Variants in PHLPP1 observed in about 807,000 individuals in gnomAD.
The protein encoded by PHLPP1 is PH domain leucine-rich repeat-containing protein phosphatase 1.
A neutral mutation model predicts 117.2 loss-of-function variants in PHLPP1; 42 were observed. The ratio of observed to expected loss-of-function variants is 0.36; its 90% CI spans 0.28 to 0.46. The LOEUF is 0.46. Among genes scored for constraint, PHLPP1 ranks in the 20% least tolerant of loss-of-function variants. The pLI, the probability that PHLPP1 is intolerant of heterozygous loss-of-function variation, is 1.00. For missense variants in PHLPP1, 2,084 were observed against 2,241.9 expected (o/e 0.93, Z 1.42); for synonymous variants, 1,042 against 970.7 (o/e 1.07, Z -1.37).
intron 1 of PHLPP1, among the ~76,000 whole-genome samples, chr18:62,773,536 G>A (rs1912859695): frequency 6.6e-6 from 1 of 152,112 alleles, no homozygotes; most frequent in East Asian, 1.9e-4. Context: ...ATACTTCTTT[G>A]CCTCCAAAAC....
intron 7 of PHLPP1, among the ~76,000 whole-genome samples, chr18:62,904,124 A>G (rs1916790511): frequency 6.6e-6 from 1 of 152,250 alleles, no homozygotes; most frequent in African/African-American, 2.4e-5. Context: ...GCCAAGCCTC[A>G]AATAGGTATA....
chr18:62,729,425 G>A (rs958710355), intron 1 of PHLPP1, among the ~76,000 whole-genome samples: 1 of 152,148 alleles, frequency 6.6e-6, no homozygotes, highest in Non-Finnish European at 1.5e-5. Flanking sequence ...AGCTGGGCGT[G>A]GTGGCTCATG....
At chr18:62,729,975 G>T (rs1599016342) in intron 1 of PHLPP1, among the ~76,000 whole-genome samples, 1 of 152,204 alleles carries the variant, frequency 6.6e-6, no homozygotes, top group Non-Finnish European at 1.5e-5. Flanking sequence ...ACCGTATGAG[G>T]TAGGTTATCA....
At chr18:62,900,517 A>T (rs1392405860) in intron 6 of PHLPP1, among the ~76,000 whole-genome samples, 2 of 139,130 alleles carry the variant, frequency 1.4e-5, no homozygotes, top group Admixed American at 1.5e-4. Context: ...CTTGTTACCC[A>T]AGCTGTGGTG....
At chr18:62,962,595 C>T (rs1251095555) in intron 13 of PHLPP1, among the ~76,000 whole-genome samples, 1 of 152,212 alleles carries the variant, frequency 6.6e-6, no homozygotes, top group Non-Finnish European at 1.5e-5. Flanking sequence ...AGGCGTGAGC[C>T]ACCGCGCCTG....
At chr18:62,824,234 G>A in intron 1 of PHLPP1, 1 of 455,258 alleles carries the variant, frequency 2.2e-6, no homozygotes, top group South Asian at 1.6e-5. Context: ...CCAATCCTAG[G>A]TATTTACCCG....
intron 4 of PHLPP1, among the ~76,000 whole-genome samples, chr18:62,870,454 A>G (rs1915876082): frequency 1.3e-5 from 2 of 152,202 alleles, no homozygotes; most frequent in South Asian, 4.1e-4. Context: ...GCTTCGAAAT[A>G]TGCCATATAT....
chr18:62,895,096 G>C lies in PHLPP1; in HGVS notation c.2152G>C (p.Glu718Gln). ...AGTCTGCAGTATTCCAACCCTGGCA[G>C]AGCTGAACGTGTCCTGCAATGCCCT... is the stretch of plus-strand genomic sequence containing the variant. ...LAVCSIPTLAELNVSCNALRS... is the reference protein window; with the variant it reads ...LAVCSIPTLAQLNVSCNALRS... Residue 718 changes from glutamate to glutamine, a missense_variant, in exon 5 of 17, where the codon GAG (glutamate) becomes CAG (glutamine). Transcript: ENST00000262719. The C allele has an allele frequency of 6.2e-7, 1 of 1,613,976 alleles. No homozygotes were observed. Among genetic ancestry groups the C allele is most frequent in the East Asian group, 2.2e-5 (1 of 44,882 alleles).
intron 4 of PHLPP1, among the ~76,000 whole-genome samples, chr18:62,874,649 GCACGCGCGCACACACACACA>G (rs959846016): frequency 4.1e-5 from 4 of 96,396 alleles, no homozygotes; most frequent in Non-Finnish European, 9.8e-5. Context: ...GGGCGCGCAC[GCACGCGCGCACACACACACA>G]CACACACACA....
intron 1 of PHLPP1, among the ~76,000 whole-genome samples, chr18:62,740,863 A>G (rs1911505201): frequency 6.6e-6 from 1 of 152,130 alleles, no homozygotes; most frequent in African/African-American, 2.4e-5. Context: ...AATCCCAGCT[A>G]CTGTGGAAGC....
intron 3 of PHLPP1, among the ~76,000 whole-genome samples, chr18:62,850,899 G>A (rs1028442867): frequency 3.3e-5 from 5 of 152,194 alleles, no homozygotes; most frequent in Non-Finnish European, 5.9e-5. Flanking sequence ...ATTTTGTCAA[G>A]GGAGGGGACT....
intron 9 of PHLPP1, 72 bp from the exon 10 acceptor site, chr18:62,919,887 A>AT (rs2144425323): frequency 9.1e-7 from 1 of 1,098,042 alleles, no homozygotes; most frequent in East Asian, 2.6e-5. Context: ...TGAATTTGTG[A>AT]TTTTTGGAGA....
chr18:62,816,437 C>T (rs1333958493), intron 1 of PHLPP1, among the ~76,000 whole-genome samples: 4 of 152,028 alleles, frequency 2.6e-5, no homozygotes, highest in Non-Finnish European at 4.4e-5. Flanking sequence ...CATGGTGGCA[C>T]GTGCCTGTAA....
chr18:62,789,947 C>A (rs753881451), intron 1 of PHLPP1, among the ~76,000 whole-genome samples: 2 of 151,990 alleles, frequency 1.3e-5, no homozygotes. Flanking sequence ...AGTTGAAGTC[C>A]TGTGTGTCTA....
At chr18:62,889,078 G>T (rs1210055435) in intron 4 of PHLPP1, among the ~76,000 whole-genome samples, 1 of 152,166 alleles carries the variant, frequency 6.6e-6, no homozygotes, top group Non-Finnish European at 1.5e-5. Context: ...CTCTGAGAAG[G>T]CTAAGGGTTA....
At chr18:62,756,349 C>G (rs1912018431) in intron 1 of PHLPP1, among the ~76,000 whole-genome samples, 1 of 152,164 alleles carries the variant, frequency 6.6e-6, no homozygotes, top group African/African-American at 2.4e-5. Context: ...GAAGGATAGT[C>G]CTGCCATGTG....
rs753099332 is a variant in PHLPP1 at position 62,920,094 on chromosome 18, C to T, written c.2940C>T (p.Asn980=). The T allele has an allele frequency of 5.6e-6, 9 of 1,613,662 alleles. No homozygotes were observed. In the East Asian group the frequency reaches 2.0e-4, roughly 36 times the overall value. Residue 980 remains asparagine, a synonymous_variant, in exon 10 of 17, where the codon AAC becomes AAT. Coordinates refer to ENST00000262719, the MANE Select transcript of PHLPP1 (RefSeq NM_194449.4). The stretch of plus-strand genomic sequence containing the variant: ...ACCAGCTCCTTGAGCTCCCACCTAA[C>T]CTTCTGATGAAGGCTGACAGGTAAA... ...QHNQLLELPP[N]LLMKADSLRF...
At chr18:62,955,238 A>G (rs1910578772) in intron 12 of PHLPP1, among the ~76,000 whole-genome samples, 1 of 152,220 alleles carries the variant, frequency 6.6e-6, no homozygotes, top group African/African-American at 2.4e-5. Context: ...GCACTCTGGC[A>G]TGGGTGGAAC....
At chr18:62,968,811 G>C (rs1910974746) in intron 14 of PHLPP1, among the ~76,000 whole-genome samples, 1 of 151,826 alleles carries the variant, frequency 6.6e-6, no homozygotes, top group Non-Finnish European at 1.5e-5. Context: ...TGGGATTACA[G>C]GCATGAGCCA....
Sources: allele counts gnomAD v4.1 joint callset (sites outside exome capture counted in the v4.1 genomes callset), GRCh38; gene constraint gnomAD v4.1.1; transcripts MANE v1.5; gene names NCBI Gene and HGNC (gene_info 2026-07-23, HGNC 2026-07-21).